The following DIS3L2 variants were observed in gnomAD, a reference collection of about 807,000 sequenced individuals.
The protein encoded by DIS3L2 is DIS3-like exonuclease 2.
DIS3L2 carries 34 observed loss-of-function variants against 97.5 expected under a neutral mutation model. The ratio of observed to expected loss-of-function variants is 0.35; its 90% CI spans 0.27 to 0.46. DIS3L2 has a LOEUF of 0.46. DIS3L2 is among the 20% of genes least tolerant of loss of function. The probability of loss-of-function intolerance (pLI) is 1.00; values close to 1 mark genes in which losing one functional copy is unlikely to be tolerated. For synonymous variants in DIS3L2, 435 were observed against 445.2 expected, an observed-to-expected ratio of 0.98 and a Z score of 0.29; for missense variants, 1,038 against 1,146.0, an observed-to-expected ratio of 0.91 and a Z score of 1.36.
At chr2:232,250,001 T>C (rs2106265615) in intron 12 of DIS3L2, among the ~76,000 whole-genome samples, 1 of 152,302 alleles carries the variant, frequency 6.6e-6, no homozygotes, top group East Asian at 1.9e-4. Flanking sequence ...TGTCTGTGCC[T>C]GTCGTCGGGA....
chr2:232,066,753 G>A (rs1029355780), intron 5 of DIS3L2, among the ~76,000 whole-genome samples: 2 of 152,004 alleles, frequency 1.3e-5, no homozygotes, highest in African/African-American at 2.4e-5. Flanking sequence ...TTGATATAGA[G>A]TGTGATGGTT....
At chr2:232,208,455 C>T (rs1038283083) in intron 9 of DIS3L2, among the ~76,000 whole-genome samples, 11 of 152,276 alleles carry the variant, frequency 7.2e-5, no homozygotes, top group East Asian at 1.9e-4. Flanking sequence ...GGACTACAGG[C>T]GTGTGCCACC....
intron 11 of DIS3L2, among the ~76,000 whole-genome samples, chr2:232,243,214 A>G (rs1237096949): frequency 6.6e-6 from 1 of 152,198 alleles, no homozygotes; most frequent in Non-Finnish European, 1.5e-5. Context: ...TAGATAGACA[A>G]AAATGGGCAG....
chr2:232,126,499 G>C (rs965075563), intron 6 of DIS3L2, among the ~76,000 whole-genome samples: 1 of 152,180 alleles, frequency 6.6e-6, no homozygotes. Flanking sequence ...CAGGATGAGC[G>C]ATCAAGGTCC....
intron 1 of DIS3L2, among the ~76,000 whole-genome samples, chr2:231,989,977 C>T (rs73995037): frequency 0.016 from 2,488 of 152,268 alleles, 69 homozygotes; most frequent in African/African-American, 0.057. Context: ...AGTACTGCCC[C>T]TGAGTTACTT....
At chr2:232,080,094 G>A (rs1051801683) in intron 5 of DIS3L2, among the ~76,000 whole-genome samples, 7 of 152,188 alleles carry the variant, frequency 4.6e-5, no homozygotes, top group African/African-American at 1.7e-4. Context: ...GGTTGTTTGG[G>A]TTTATGTAGT....
At chr2:232,020,090 C>CACAT (rs1694470220) in intron 3 of DIS3L2, among the ~76,000 whole-genome samples, 2 of 151,894 alleles carry the variant, frequency 1.3e-5, no homozygotes, top group South Asian at 4.2e-4. Flanking sequence ...AGAAGGAAGC[C>CACAT]TGTTGGAACA....
At chr2:232,285,535 A>G (rs1469140032) in intron 13 of DIS3L2, among the ~76,000 whole-genome samples, 2 of 152,252 alleles carry the variant, frequency 1.3e-5, no homozygotes, top group African/African-American at 2.4e-5. Flanking sequence ...AGAAGGGGAA[A>G]GGTAAATTGT....
At chr2:232,106,482 G>A (rs1038451331) in intron 6 of DIS3L2, among the ~76,000 whole-genome samples, 7 of 152,080 alleles carry the variant, frequency 4.6e-5, no homozygotes, top group Non-Finnish European at 8.8e-5. Context: ...ATTACATAAT[G>A]GTAAAGGGTT....
intron 10 of DIS3L2, among the ~76,000 whole-genome samples, chr2:232,223,409 A>G (rs1035921822): frequency 6.6e-6 from 1 of 152,222 alleles, no homozygotes; most frequent in Non-Finnish European, 1.5e-5. Flanking sequence ...TGGTGGTTTG[A>G]ACTAGACAGT....
At chr2:232,076,043 T>C (rs552535967) in intron 5 of DIS3L2, among the ~76,000 whole-genome samples, 11 of 152,330 alleles carry the variant, frequency 7.2e-5, no homozygotes, top group African/African-American at 2.4e-4. Flanking sequence ...CCCTAGAGTT[T>C]GTGCTCTGAA....
intron 8 of DIS3L2, among the ~76,000 whole-genome samples, chr2:232,159,658 G>A (rs1690594776): frequency 1.3e-5 from 2 of 152,002 alleles, no homozygotes; most frequent in African/African-American, 4.8e-5. Flanking sequence ...CCAGTACAAT[G>A]TTAAATAGTA....
In DIS3L2 at chr2:232,235,139, C is replaced by T. The variant is rs540218021; in HGVS notation, c.1205-3394C>T. 1.2e-3 allele frequency among the ~76,000 whole-genome samples: 182 copies of T among 152,344 alleles called. 1 individual carries two copies. The highest frequency in any genetic ancestry group is 6.8e-3 in the Middle Eastern group (2 of 294). On this transcript the variant is annotated intron_variant, in intron 10 of 20. Coordinates refer to ENST00000325385, the MANE Select transcript of DIS3L2 (RefSeq NM_152383.5). ...GACCCTAGGCAAAGTGAGCCAGGCC[C>T]GGCTGCCCGGGGGATCCTTCCTCTC...
In DIS3L2 at chr2:232,336,102, T is replaced by C. The variant is rs1243491647; in HGVS notation, c.2496+228T>C. 3.9e-6 allele frequency: 6 copies of C among 1,543,652 alleles called. No homozygotes were observed. The Admixed American group carries it at 7.9e-5, about 20-fold the overall frequency. On this transcript the variant is annotated intron_variant, in intron 20 of 20. Coordinates refer to ENST00000325385, the MANE Select transcript of DIS3L2 (RefSeq NM_152383.5). ...CAACCACAGTGGAGAGAGGAGGGGC[T>C]CTGCCTGTCCCGCTAATGCAGGGGT...
chr2:232,153,739 C>T (rs1204937842), intron 8 of DIS3L2, among the ~76,000 whole-genome samples: 1,938 of 147,736 alleles, frequency 0.013, 11 homozygotes, highest in Non-Finnish European at 0.017. Context: ...TGAATCTGAA[C>T]GTTGGCTTGC....
chr2:232,320,117 G>C (rs1276692651), intron 14 of DIS3L2, among the ~76,000 whole-genome samples: 2 of 144,106 alleles, frequency 1.4e-5, no homozygotes, highest in African/African-American at 5.1e-5. Context: ...AGAGGGCAGA[G>C]CTGGGGCCTC....
intron 20 of DIS3L2, 127 bp downstream of exon 20, chr2:232,336,001 T>C (rs1695931822): frequency 1.0e-5 from 16 of 1,525,922 alleles, no homozygotes. Flanking sequence ...CGGGTGGGGT[T>C]TTAGGGCCCT....
intron 5 of DIS3L2, among the ~76,000 whole-genome samples, chr2:232,086,660 TGTGTG>T (rs1265897145): frequency 2.6e-4 from 3 of 11,334 alleles, no homozygotes; most frequent in East Asian, 2.3e-3. Context: ...TATATATATA[TGTGTG>T]TGTGTGTGTG....
At chr2:232,092,214 G>A (rs1358035527) in intron 6 of DIS3L2, among the ~76,000 whole-genome samples, 1 of 151,968 alleles carries the variant, frequency 6.6e-6, no homozygotes, top group East Asian at 1.9e-4. Flanking sequence ...TGGATGTATG[G>A]ATGTATGTAT....
Sources: gnomAD v4.1 joint callset for allele counts (sites outside exome capture counted in the v4.1 genomes callset) on GRCh38, gnomAD v4.1.1 for gene constraint, MANE v1.5 for transcripts, NCBI Gene and HGNC (gene_info 2026-07-23, HGNC 2026-07-21) for gene names.